Variants in TPD52L1 observed in about 807,000 individuals in gnomAD.
TPD52L1 encodes the protein TPD52 like 1.
TPD52L1 carries 18 observed loss-of-function variants against 28.7 expected under a neutral mutation model. That is an observed-to-expected ratio of 0.63 (90% confidence interval 0.43 to 0.93). TPD52L1 has a LOEUF of 0.93. Among genes scored for constraint, TPD52L1 ranks in the 40% least tolerant of loss-of-function variants. TPD52L1 has a pLI of 0.00. For synonymous variants in TPD52L1, 75 were observed against 88.8 expected (o/e 0.84, Z 0.88); for missense variants, 203 against 254.8 (o/e 0.80, Z 1.39).
At chr6:125,208,539 T>G (rs929870581) in intron 1 of TPD52L1, among the ~76,000 whole-genome samples, 10 of 152,106 alleles carry the variant, frequency 6.6e-5, no homozygotes, top group Admixed American at 3.3e-4. Context: ...CTTTTTTTTT[T>G]GGCACACTTT....
At chr6:125,186,449 T>C (rs1792637293) in intron 1 of TPD52L1, among the ~76,000 whole-genome samples, 1 of 152,272 alleles carries the variant, frequency 6.6e-6, no homozygotes, top group Middle Eastern at 3.4e-3. Flanking sequence ...GAACCCAGTA[T>C]AGCAAAATAT....
chr6:125,251,191 T>C (rs1041490796), intron 4 of TPD52L1, among the ~76,000 whole-genome samples: 2 of 152,216 alleles, frequency 1.3e-5, no homozygotes, highest in Non-Finnish European at 2.9e-5. Flanking sequence ...TTTGTAAATA[T>C]GGGGAATATG....
intron 4 of TPD52L1, chr6:125,251,918 T>A (rs1013143659): frequency 2.5e-6 from 3 of 1,183,958 alleles, no homozygotes; most frequent in Middle Eastern, 1.9e-4. Context: ...CTGTCTGTGC[T>A]CTGGGGCCCT....
At chr6:125,196,058 C>T (rs1203544462) in intron 1 of TPD52L1, among the ~76,000 whole-genome samples, 1 of 152,056 alleles carries the variant, frequency 6.6e-6, no homozygotes, top group Non-Finnish European at 1.5e-5. Flanking sequence ...CATTGGCTGC[C>T]CATCAGTGTC....
intron 3 of TPD52L1, among the ~76,000 whole-genome samples, chr6:125,230,733 C>T (rs1164944805): frequency 6.6e-6 from 1 of 152,086 alleles, no homozygotes; most frequent in African/African-American, 2.4e-5. Context: ...GTTTTTCTCC[C>T]TCTAAATATG....
At chr6:125,258,699 G>T (rs1277618612) in intron 6 of TPD52L1, among the ~76,000 whole-genome samples, 2 of 152,106 alleles carry the variant, frequency 1.3e-5, no homozygotes, top group Non-Finnish European at 2.9e-5. Flanking sequence ...TGATCCACAT[G>T]TTCAGCTTCT....
chr6:125,244,238 T>C (rs1006293616), intron 3 of TPD52L1, among the ~76,000 whole-genome samples: 2 of 152,214 alleles, frequency 1.3e-5, no homozygotes, highest in Non-Finnish European at 2.9e-5. Context: ...TATTTATTTA[T>C]TTAACTTTTT....
At chr6:125,160,167 A>G (rs1036780683) in intron 1 of TPD52L1, among the ~76,000 whole-genome samples, 1 of 152,150 alleles carries the variant, frequency 6.6e-6, no homozygotes, top group Non-Finnish European at 1.5e-5. Context: ...CAGCATAAGA[A>G]TGGACTAATA....
chr6:125,261,006 GAAAGAAAGAAAGAAAAGA>G (rs1562411591), intron 6 of TPD52L1: 815 of 44,164 alleles, frequency 0.018, 73 homozygotes, highest in Middle Eastern at 0.061. Flanking sequence ...AAGAAAGAAA[GAAAGAAAGAAAGAAAAGA>G]AAAGAAAGAA....
At chr6:125,180,278 T>C (rs1582872201) in intron 1 of TPD52L1, among the ~76,000 whole-genome samples, 1 of 151,000 alleles carries the variant, frequency 6.6e-6, no homozygotes. Flanking sequence ...GATTCTTTTT[T>C]GGGGAGAAGG....
intron 1 of TPD52L1, among the ~76,000 whole-genome samples, chr6:125,195,560 T>C (rs1793370748): frequency 6.6e-6 from 1 of 152,200 alleles, no homozygotes; most frequent in African/African-American, 2.4e-5. Context: ...ATTTTAGATC[T>C]ATGGAAAAGG....
chr6:125,224,655 G>A (rs1464141854), intron 2 of TPD52L1, among the ~76,000 whole-genome samples: 1 of 152,176 alleles, frequency 6.6e-6, no homozygotes. Context: ...AGAGAGGCAG[G>A]CCTTGAAGCC....
At chr6:125,179,139 C>G (rs1792021918) in intron 1 of TPD52L1, among the ~76,000 whole-genome samples, 2 of 152,206 alleles carry the variant, frequency 1.3e-5, no homozygotes, top group Admixed American at 6.5e-5. Flanking sequence ...TCTGGGCATC[C>G]CTCTTGGTTT....
intron 1 of TPD52L1, among the ~76,000 whole-genome samples, chr6:125,201,715 G>A (rs1357737494): frequency 1.3e-5 from 2 of 152,190 alleles, no homozygotes; most frequent in African/African-American, 4.8e-5. Context: ...CCTATTGCTA[G>A]TGAGGATAAG....
chr6:125,241,137 T>C (rs1796588760), intron 3 of TPD52L1, among the ~76,000 whole-genome samples: 1 of 152,198 alleles, frequency 6.6e-6, no homozygotes, highest in Non-Finnish European at 1.5e-5. Context: ...TTTATTGACT[T>C]GCATATGTTA....
rs529747818 is a variant in TPD52L1 at position 125,163,092 on chromosome 6, A to G, written c.19+9122A>G. Among the ~76,000 whole-genome samples the G allele has an allele frequency of 2.8e-3, 422 of 152,312 alleles. 3 individuals carry two copies. Among genetic ancestry groups the G allele is most frequent in the Admixed American group, 8.5e-3 (130 of 15,304 alleles). ...GCTAAGATGAACTTGACATGGTGTCATCTTTTCAGGAGGATAGGCAAAAAA... is the reference window on the plus strand; with the variant it reads ...GCTAAGATGAACTTGACATGGTGTCGTCTTTTCAGGAGGATAGGCAAAAAA... On this transcript the variant is annotated intron_variant, in intron 1 of 6. Transcript: ENST00000534000.
intron 1 of TPD52L1, among the ~76,000 whole-genome samples, chr6:125,166,597 A>G (rs182246570): frequency 6.6e-6 from 1 of 152,276 alleles, no homozygotes; most frequent in East Asian, 1.9e-4. Flanking sequence ...CTTACAGCAG[A>G]CAGACTAGCA....
In TPD52L1 at chr6:125,153,782, T is replaced by TA. The variant is rs1401557866; in HGVS notation, c.-169dup. 3.1e-6 allele frequency: 2 copies of TA among 653,984 alleles called. No homozygotes were observed. The highest frequency in any genetic ancestry group is 6.4e-5 in the East Asian group (2 of 31,460). 40.5% of individuals were successfully genotyped at this position (653,984 alleles called of 1,614,324 possible). On this transcript the variant is annotated 5_prime_UTR_variant, in exon 1 of 7. Coordinates refer to ENST00000534000, the MANE Select transcript of TPD52L1 (RefSeq NM_003287.4). The stretch of plus-strand genomic sequence containing the variant: ...AGGGGCGGAGGTAACCAGAAGCGGC[T>TA]AGTGGCGGCTGCCTGCGTCCCCAAC...
At chr6:125,249,104 C>T (rs1457892173) in intron 4 of TPD52L1, among the ~76,000 whole-genome samples, 2 of 151,060 alleles carry the variant, frequency 1.3e-5, no homozygotes, top group African/African-American at 4.9e-5. Flanking sequence ...TGTAGTATTG[C>T]CCATAGTTTT....
Sources: allele counts gnomAD v4.1 joint callset (sites outside exome capture counted in the v4.1 genomes callset), GRCh38; gene constraint gnomAD v4.1.1; transcripts MANE v1.5; gene names NCBI Gene and HGNC (gene_info 2026-07-23, HGNC 2026-07-21).